Variants in NME9 observed in about 807,000 individuals in gnomAD.
The protein encoded by NME9 is thioredoxin domain-containing protein 6.
NME9 carries 48 observed loss-of-function variants against 44.4 expected under a neutral mutation model. The observed-to-expected ratio is 1.08, with a 90% CI of 0.86 to 1.37. The LOEUF is 1.37. NME9 is among the 40% of genes most tolerant of loss of function. The pLI, the probability that NME9 is intolerant of heterozygous loss-of-function variation, is 0.00. For missense variants in NME9, 325 were observed against 405.2 expected (o/e 0.80, Z 1.70); for synonymous variants, 139 against 147.1 (o/e 0.94, Z 0.40).
chr3:138,272,643 A>G (rs1418942879), intron 8 of NME9, among the ~76,000 whole-genome samples: 1 of 152,206 alleles, frequency 6.6e-6, no homozygotes, highest in Non-Finnish European at 1.5e-5. Context: ...TTGGAAGGCC[A>G]AAGCAAGTGG....
chr3:138,315,716 C>T (rs1294906091), intron 4 of NME9, 73 bp from the exon 5 acceptor site: 1 of 1,213,676 alleles, frequency 8.2e-7, no homozygotes, highest in Admixed American at 2.0e-5. Flanking sequence ...GCAAGAGTGT[C>T]TAGGAGTGTC....
At chr3:138,327,638 C>T (rs984218592) in intron 1 of NME9, among the ~76,000 whole-genome samples, 7 of 152,140 alleles carry the variant, frequency 4.6e-5, no homozygotes, top group African/African-American at 1.7e-4. Flanking sequence ...CCCTGAATAA[C>T]CTTGCTGAGA....
chr3:138,319,227 A>G (rs2053304696), intron 3 of NME9, among the ~76,000 whole-genome samples: 1 of 152,094 alleles, frequency 6.6e-6, no homozygotes, highest in African/African-American at 2.4e-5. Context: ...TGAGTGACAT[A>G]TATTTCTTCT....
intron 8 of NME9, among the ~76,000 whole-genome samples, chr3:138,286,187 C>T (rs142904660): frequency 0.022 from 3,398 of 152,304 alleles, 52 homozygotes; most frequent in South Asian, 0.071. Flanking sequence ...AAATGATCCA[C>T]CTGTCTCGGC....
chr3:138,321,633 G>A (rs1021507632), intron 2 of NME9, among the ~76,000 whole-genome samples: 4 of 152,122 alleles, frequency 2.6e-5, no homozygotes, highest in Non-Finnish European at 4.4e-5. Context: ...GAAGCAAGAC[G>A]CATGAATTCA....
intron 7 of NME9, 88 bp downstream of exon 7, chr3:138,306,310 A>T: frequency 3.9e-6 from 4 of 1,022,288 alleles, no homozygotes; most frequent in Non-Finnish European, 6.2e-6. Flanking sequence ...TTTCTGCACT[A>T]AGATATCACT....
intron 2 of NME9, chr3:138,324,341 C>A: frequency 4.9e-6 from 2 of 408,906 alleles, no homozygotes; most frequent in Non-Finnish European, 9.9e-6. Context: ...CTAAGCTATA[C>A]CTGGACTCCT....
chr3:138,282,613 G>T (rs571163478), intron 8 of NME9, among the ~76,000 whole-genome samples: 3 of 146,954 alleles, frequency 2.0e-5, no homozygotes, highest in Non-Finnish European at 4.5e-5. Context: ...CTCTAGCCTG[G>T]TGACAGAGTG....
At chr3:138,325,285 T>G (rs1364405054) in intron 1 of NME9, among the ~76,000 whole-genome samples, 1 of 152,240 alleles carries the variant, frequency 6.6e-6, no homozygotes, top group Non-Finnish European at 1.5e-5. Context: ...AGAATTAAGT[T>G]GAATTTATTG....
intron 2 of NME9, among the ~76,000 whole-genome samples, chr3:138,323,935 C>T (rs2053618262): frequency 6.6e-6 from 1 of 152,168 alleles, no homozygotes. Context: ...TAATCCCCTG[C>T]CCTGGAGTGT....
chr3:138,305,102 A>T (rs548675371), intron 8 of NME9, 75 bp from the exon 9 acceptor site: 39 of 1,386,016 alleles, frequency 2.8e-5, no homozygotes, highest in Admixed American at 7.3e-5. Context: ...AGCCCATCTC[A>T]CCCACGGAAT....
At chr3:138,264,314 G>A in intron 8 of NME9, 1 of 805,744 alleles carries the variant, frequency 1.2e-6, no homozygotes, top group African/African-American at 1.7e-5. Context: ...TCTGATTTTT[G>A]TGTAGAGCAT....
downstream of NME9, among the ~76,000 whole-genome samples, chr3:138,298,979 A>C (rs1469836855): frequency 3.9e-5 from 6 of 152,136 alleles, no homozygotes; most frequent in Non-Finnish European, 8.8e-5. Context: ...GAGCAGGGCC[A>C]AGCAGGCCCC....
At chr3:138,302,470 A>G (rs1211735066) in intron 10 of NME9, among the ~76,000 whole-genome samples, 2 of 152,174 alleles carry the variant, frequency 1.3e-5, no homozygotes, top group Admixed American at 6.5e-5. Context: ...CCCTGGACAC[A>G]TAAGGAAATG....
chr3:138,314,263 C>G (rs1048596154), intron 6 of NME9, 69 bp downstream of exon 6: 1 of 852,196 alleles, frequency 1.2e-6, no homozygotes, highest in African/African-American at 1.7e-5. Context: ...GAATACTCAT[C>G]TATTTTAAAC....
intron 8 of NME9, among the ~76,000 whole-genome samples, chr3:138,265,072 T>A (rs1193977016): frequency 1.3e-5 from 2 of 151,940 alleles, no homozygotes; most frequent in South Asian, 2.1e-4. Flanking sequence ...TAATTTTTTT[T>A]ATTTTTTTGA....
downstream of NME9, chr3:138,296,041 A>C: frequency 9.4e-5 from 58 of 613,784 alleles, no homozygotes; most frequent in Non-Finnish European, 1.3e-4. Flanking sequence ...CTTAGATCTC[A>C]AATTCATCTT....
intron 6 of NME9, among the ~76,000 whole-genome samples, chr3:138,312,045 A>G (rs898526615): frequency 2.0e-5 from 3 of 152,216 alleles, no homozygotes; most frequent in African/African-American, 7.2e-5. Flanking sequence ...GTAGACTTCA[A>G]TTTAACCAAA....
intron 2 of NME9, among the ~76,000 whole-genome samples, chr3:138,323,112 T>C (rs2053569321): frequency 6.6e-6 from 1 of 152,182 alleles, no homozygotes; most frequent in African/African-American, 2.4e-5. Context: ...CTACTACAGA[T>C]GTGAGATTAA....
Sources: gnomAD v4.1 joint callset for allele counts (sites outside exome capture counted in the v4.1 genomes callset) on GRCh38, gnomAD v4.1.1 for gene constraint, MANE v1.5 for transcripts, NCBI Gene and HGNC (gene_info 2026-07-23, HGNC 2026-07-21) for gene names.